Variants in IL1RAPL1 observed in about 807,000 individuals in gnomAD.
IL1RAPL1 encodes the protein interleukin-1 receptor accessory protein-like 1.
IL1RAPL1 carries 3 observed loss-of-function variants against 48.4 expected under a neutral mutation model. That is an observed-to-expected ratio of 0.06 (90% CI 0.03 to 0.16). The LOEUF (loss-of-function observed/expected upper bound fraction) is 0.16. Ranked by LOEUF, IL1RAPL1 falls within the 10% of genes least tolerant of loss-of-function variation. The pLI, the probability that IL1RAPL1 is intolerant of heterozygous loss-of-function variation, is 1.00. For missense variants in IL1RAPL1, 349 were observed against 530.6 expected, an observed-to-expected ratio of 0.66 and a Z score of 3.36; for synonymous variants, 185 against 187.7, an observed-to-expected ratio of 0.99 and a Z score of 0.12.
intron 2 of IL1RAPL1, among the ~76,000 whole-genome samples, chrX:29,078,333 AAG>A (rs1383207046): frequency 1.8e-5 from 2 of 112,470 alleles, no homozygotes; most frequent in Non-Finnish European, 3.8e-5. Context: ...ACAAAAAGCA[AAG>A]AGAGAGGTTT....
chrX:29,693,192 C>G (rs1365580580), intron 6 of IL1RAPL1, among the ~76,000 whole-genome samples: 1 of 112,042 alleles, frequency 8.9e-6, no homozygotes, highest in Non-Finnish European at 1.9e-5. Flanking sequence ...CCTCCCAATT[C>G]TTACTCTACC....
intron 5 of IL1RAPL1, among the ~76,000 whole-genome samples, chrX:29,414,188 A>C (rs1356993826): frequency 9.0e-6 from 1 of 111,088 alleles, no homozygotes; most frequent in Admixed American, 9.7e-5. Flanking sequence ...AAGGTTGGGG[A>C]ACAGGGGAAT....
At chrX:29,181,223 A>G (rs1474676645) in intron 2 of IL1RAPL1, among the ~76,000 whole-genome samples, 1 of 111,246 alleles carries the variant, frequency 9.0e-6, no homozygotes, top group Non-Finnish European at 1.9e-5. Flanking sequence ...GATGAGGATT[A>G]TATAATATAG....
chrX:29,711,638 G>A (rs1157834503), intron 6 of IL1RAPL1, among the ~76,000 whole-genome samples: 1 of 111,722 alleles, frequency 9.0e-6, no homozygotes, highest in Non-Finnish European at 1.9e-5. Flanking sequence ...AGGTATGGGT[G>A]TATTTTATGC....
In IL1RAPL1 at chrX:28,783,527, C is replaced by T. The variant is rs775614519; in HGVS notation, c.-24-5793C>T. On this transcript the variant is annotated intron_variant, in intron 1 of 10. Transcript: ENST00000378993. The stretch of plus-strand genomic sequence containing the variant: ...TGTTAAAAAGAAAACAAGCAAATTC[C>T]CACAGAGTTTTGTCAGGGCCAATTT... 1.1e-3 allele frequency among the ~76,000 whole-genome samples: 124 copies of T among 111,217 alleles called. 1 individual carries two copies. The highest frequency in any genetic ancestry group is 2.0e-3 in the Non-Finnish European group (104 of 52,972).
At chrX:28,883,187 G>C (rs1255210169) in intron 2 of IL1RAPL1, among the ~76,000 whole-genome samples, 1 of 111,798 alleles carries the variant, frequency 8.9e-6, no homozygotes, top group Admixed American at 9.5e-5. Context: ...AAAATCTTCG[G>C]CATGTATTCA....
At chrX:28,646,928 C>A (rs1486597857) in intron 1 of IL1RAPL1, among the ~76,000 whole-genome samples, 2 of 112,169 alleles carry the variant, frequency 1.8e-5, no homozygotes, top group Non-Finnish European at 3.8e-5. Context: ...CCTTAGTTCC[C>A]CAGTAGCCTT....
intron 5 of IL1RAPL1, among the ~76,000 whole-genome samples, chrX:29,463,108 T>G (rs1934820870): frequency 9.0e-6 from 1 of 111,527 alleles, no homozygotes; most frequent in Non-Finnish European, 1.9e-5. Context: ...AAGCAAATAA[T>G]TAAGCATTAA....
chrX:29,623,948 C>G (rs145363587), intron 5 of IL1RAPL1, among the ~76,000 whole-genome samples: 9,479 of 111,423 alleles, frequency 0.085, 346 homozygotes, highest in Middle Eastern at 0.21. Flanking sequence ...TTAGCTGGAG[C>G]TTGGACATAT....
At chrX:29,043,508 G>A (rs1926890428) in intron 2 of IL1RAPL1, among the ~76,000 whole-genome samples, 2 of 110,748 alleles carry the variant, frequency 1.8e-5, no homozygotes, top group South Asian at 7.8e-4. Context: ...TCTAATAAAG[G>A]GTCTAAAGCC....
At chrX:29,723,335 G>A (rs1385754046) in intron 6 of IL1RAPL1, among the ~76,000 whole-genome samples, 1 of 111,884 alleles carries the variant, frequency 8.9e-6, no homozygotes, top group Non-Finnish European at 1.9e-5. Flanking sequence ...TGCAACCTGT[G>A]CCTCCCGGGC....
chrX:28,779,634 G>GTATA (rs1183080798), intron 1 of IL1RAPL1, among the ~76,000 whole-genome samples: 662 of 38,038 alleles, frequency 0.017, 15 homozygotes, highest in Non-Finnish European at 0.022. Context: ...GTGTGTGTGT[G>GTATA]TATATATATA....
chrX:28,834,699 CACA>C (rs1461259837), intron 2 of IL1RAPL1, among the ~76,000 whole-genome samples: 6 of 111,506 alleles, frequency 5.4e-5, no homozygotes, highest in African/African-American at 2.0e-4. Context: ...ATTTACTCCT[CACA>C]ACAATTTGTA....
chrX:28,636,653 G>A (rs1934468705), intron 1 of IL1RAPL1, among the ~76,000 whole-genome samples: 1 of 111,654 alleles, frequency 9.0e-6, no homozygotes, highest in African/African-American at 3.3e-5. Flanking sequence ...CTTCATGATT[G>A]TAATTGGGCT....
At chrX:29,587,379 G>T (rs182336224) in intron 5 of IL1RAPL1, among the ~76,000 whole-genome samples, 1,910 of 107,912 alleles carry the variant, frequency 0.018, 45 homozygotes, top group African/African-American at 0.062. Context: ...GGTTGTGGGC[G>T]GGGGGTTGGG....
At chrX:29,334,972 C>T (rs1207421526) in intron 3 of IL1RAPL1, among the ~76,000 whole-genome samples, 1 of 112,625 alleles carries the variant, frequency 8.9e-6, no homozygotes, top group Non-Finnish European at 1.9e-5. Context: ...CCACTGCACT[C>T]CAGCCTGGGC....
At chrX:29,546,292 C>T (rs970417754) in intron 5 of IL1RAPL1, among the ~76,000 whole-genome samples, 2 of 111,342 alleles carry the variant, frequency 1.8e-5, no homozygotes, top group African/African-American at 3.3e-5. Context: ...ATGGCAGCAG[C>T]ATTTTCCACC....
intron 2 of IL1RAPL1, among the ~76,000 whole-genome samples, chrX:29,039,886 G>C (rs1354924177): frequency 1.8e-5 from 2 of 108,328 alleles, no homozygotes; most frequent in South Asian, 3.9e-4. Flanking sequence ...TCCCTCAGGA[G>C]ATATGCTTCC....
At position 29,158,884 on chromosome X, in the gene IL1RAPL1, C is replaced by T. The variant is rs1408881485; in HGVS notation, c.83-124054C>T. 3.0e-5 allele frequency among the ~76,000 whole-genome samples: 3 copies of T among 98,489 alleles called. No homozygotes were observed. The Admixed American group carries it at 3.4e-4, about 11-fold the overall frequency. The allele number at this position is 98,489 out of a possible 115,157, so 85.5% of individuals were successfully genotyped here. On this transcript the variant is annotated intron_variant, in intron 2 of 10. Transcript: ENST00000378993. ...GTCTTTGGGGTCCTGGATAAACAAC[C>T]TCTTTCTTTTCTTTTTTCTTTTCTT...
Sources: allele counts gnomAD v4.1 joint callset (sites outside exome capture counted in the v4.1 genomes callset), GRCh38; gene constraint gnomAD v4.1.1; transcripts MANE v1.5; gene names NCBI Gene and HGNC (gene_info 2026-07-23, HGNC 2026-07-21).